The following EDA variants were observed in gnomAD, a reference collection of about 807,000 sequenced individuals.
EDA encodes ectodysplasin A.
Under a neutral mutation model 23.6 loss-of-function variants are expected in EDA, and 2 were observed. The observed-to-expected ratio is 0.08, with a 90% CI of 0.03 to 0.27. EDA has a LOEUF of 0.27. EDA is among the 10% of genes least tolerant of loss of function. The pLI is 1.00. For missense variants in EDA, 229 were observed against 324.2 expected (o/e 0.71, Z 2.26); for synonymous variants, 131 against 132.0 (o/e 0.99, Z 0.05).
intron 1 of EDA, among the ~76,000 whole-genome samples, chrX:69,736,753 G>A (rs1384133266): frequency 1.0e-5 from 1 of 97,974 alleles, no homozygotes; most frequent in East Asian, 3.2e-4. Flanking sequence ...GGAGAGATAG[G>A]TTGTAGTGAG....
At chrX:69,801,458 C>T (rs1362403331) in intron 1 of EDA, among the ~76,000 whole-genome samples, 2 of 111,000 alleles carry the variant, frequency 1.8e-5, no homozygotes, top group African/African-American at 3.3e-5. Context: ...ATGAACCACT[C>T]ACTGTACCCA....
At chrX:69,943,941 C>T (rs1336276256) in intron 1 of EDA, among the ~76,000 whole-genome samples, 1 of 107,771 alleles carries the variant, frequency 9.3e-6, no homozygotes, top group Non-Finnish European at 1.9e-5. Context: ...AGAGTCTCTC[C>T]CTGTGGCTAC....
At chrX:69,785,509 T>C (rs1391568483) in intron 1 of EDA, among the ~76,000 whole-genome samples, 2 of 108,848 alleles carry the variant, frequency 1.8e-5, no homozygotes, top group Admixed American at 2.0e-4. Context: ...TGAAGGGTTG[T>C]TGAATTTTGT....
chrX:69,829,541 A>G (rs1029267204), intron 1 of EDA, among the ~76,000 whole-genome samples: 3 of 112,486 alleles, frequency 2.7e-5, no homozygotes, highest in African/African-American at 9.7e-5. Context: ...ATAAATGATA[A>G]ACATCACAGA....
intron 1 of EDA, among the ~76,000 whole-genome samples, chrX:69,933,566 A>G (rs773357951): frequency 9.0e-6 from 1 of 110,519 alleles, no homozygotes; most frequent in Non-Finnish European, 1.9e-5. Flanking sequence ...AATCCCAGAT[A>G]CTCAGGAGGC....
chrX:70,013,983 G>A (rs1256267272), intron 2 of EDA, among the ~76,000 whole-genome samples: 1 of 112,158 alleles, frequency 8.9e-6, no homozygotes, highest in Non-Finnish European at 1.9e-5. Flanking sequence ...TGCTCCAATC[G>A]GTAGTGGCTC....
At chrX:69,817,248 C>A (rs1432794443) in intron 1 of EDA, among the ~76,000 whole-genome samples, 5 of 111,582 alleles carry the variant, frequency 4.5e-5, no homozygotes, top group Non-Finnish European at 9.4e-5. Context: ...AAAACCATTA[C>A]CAGCCACTAC....
chrX:69,938,141 C>T (rs2018702140), intron 1 of EDA: 4 of 677,125 alleles, frequency 5.9e-6, no homozygotes, highest in Non-Finnish European at 8.6e-6. Flanking sequence ...ACTCCTCCTC[C>T]TCCCCCTGGC....
chrX:69,842,925 A>G (rs2016925146), intron 1 of EDA, among the ~76,000 whole-genome samples: 1 of 111,743 alleles, frequency 8.9e-6, no homozygotes. Flanking sequence ...CCCAGAAGCC[A>G]AGCAGATGCC....
intron 2 of EDA, among the ~76,000 whole-genome samples, chrX:69,965,138 T>C (rs2019156422): frequency 1.8e-5 from 2 of 111,481 alleles, no homozygotes; most frequent in African/African-American, 6.5e-5. Context: ...TGTCTCCTAA[T>C]AAGTGTAACA....
intron 2 of EDA, among the ~76,000 whole-genome samples, chrX:69,965,000 G>C (rs1176674317): frequency 3.6e-5 from 4 of 111,971 alleles, no homozygotes; most frequent in African/African-American, 1.3e-4. Flanking sequence ...TAGTGAACAA[G>C]ATAAGACCCT....
At chrX:69,928,984 A>G (rs1430733721) in intron 1 of EDA, among the ~76,000 whole-genome samples, 1 of 111,944 alleles carries the variant, frequency 8.9e-6, no homozygotes, top group Non-Finnish European at 1.9e-5. Flanking sequence ...ACCAACTTGC[A>G]CTTAGAAATT....
intron 1 of EDA, among the ~76,000 whole-genome samples, chrX:69,740,427 G>GT (rs1287818127): frequency 4.9e-4 from 53 of 109,134 alleles, no homozygotes; most frequent in Admixed American, 1.6e-3. Context: ...GGTTGATGGT[G>GT]TTTTTTTTTG....
intron 1 of EDA, among the ~76,000 whole-genome samples, chrX:69,888,020 CA>C (rs2017855343): frequency 1.8e-5 from 2 of 111,606 alleles, no homozygotes; most frequent in Admixed American, 1.9e-4. Flanking sequence ...TAGTCAAATT[CA>C]GAATACTTTG....
chrX:69,821,797 A>G (rs1313194474), intron 1 of EDA, among the ~76,000 whole-genome samples: 1 of 111,963 alleles, frequency 8.9e-6, no homozygotes, highest in African/African-American at 3.2e-5. Flanking sequence ...GATGTTTTTC[A>G]GTTTTTTTAA....
chrX:69,663,730 C>T (rs1228014248), intron 1 of EDA, among the ~76,000 whole-genome samples: 2 of 112,055 alleles, frequency 1.8e-5, no homozygotes, highest in African/African-American at 3.2e-5. Flanking sequence ...AGACACTCAA[C>T]GCCACCCTGT....
intron 1 of EDA, among the ~76,000 whole-genome samples, chrX:69,714,596 AG>A (rs1184715269): frequency 1.8e-5 from 2 of 111,885 alleles, no homozygotes; most frequent in African/African-American, 6.5e-5. Flanking sequence ...AGATTATTTC[AG>A]GGTTACTTTA....
chrX:69,951,306 CAG>C (rs1232625374), intron 1 of EDA, among the ~76,000 whole-genome samples: 1 of 111,483 alleles, frequency 9.0e-6, no homozygotes, highest in African/African-American at 3.3e-5. Flanking sequence ...ATCTTGGAAG[CAG>C]AGAGTAGCCC....
chrX:69,944,546 G>A (rs936660597), intron 1 of EDA, among the ~76,000 whole-genome samples: 32 of 111,717 alleles, frequency 2.9e-4, no homozygotes, highest in Non-Finnish European at 4.7e-4. Context: ...TGGTATCCAA[G>A]TTGCAAGACA....
Sources: gnomAD v4.1 joint callset for allele counts (sites outside exome capture counted in the v4.1 genomes callset) on GRCh38, gnomAD v4.1.1 for gene constraint, MANE v1.5 for transcripts, NCBI Gene and HGNC (gene_info 2026-07-23, HGNC 2026-07-21) for gene names.